IQGAP3: variants seen among roughly 807,000 people sequenced by gnomAD.
IQGAP3 encodes ras GTPase-activating-like protein IQGAP3.
A neutral mutation model predicts 208.2 loss-of-function variants in IQGAP3; 165 were observed. That is an observed-to-expected ratio of 0.79 (90% confidence interval 0.70 to 0.90). The LOEUF (loss-of-function observed/expected upper bound fraction) is 0.90. Ranked by LOEUF, IQGAP3 falls within the 40% of genes least tolerant of loss-of-function variation. IQGAP3 has a pLI of 0.00. For synonymous variants in IQGAP3, 703 were observed against 803.6 expected (o/e 0.87, Z 2.12); for missense variants, 1,811 against 2,043.1 (o/e 0.89, Z 2.19).
chr1:156,528,084 A>T, intron 36 of IQGAP3, 24 bp from the exon 37 acceptor site: 1 of 1,560,566 alleles, frequency 6.4e-7, no homozygotes, highest in East Asian at 2.2e-5. Flanking sequence ...GATTCAAAAC[A>T]GGAACCCACT....
At chr1:156,562,538 G>T in intron 9 of IQGAP3, 49 bp downstream of exon 9, 1 of 1,464,246 alleles carries the variant, frequency 6.8e-7, no homozygotes, top group South Asian at 1.1e-5. Context: ...CCAGTGCAGG[G>T]GCTTACCCTG....
rs1421238365 is a variant in IQGAP3 at position 156,535,228 on chromosome 1, C to T, written c.3442G>A (p.Ala1148Thr). 3 of 1,612,686 alleles carry T rather than the reference C, an allele frequency of 1.9e-6. No homozygotes were observed. The highest frequency in any genetic ancestry group is 1.7e-6 in the Non-Finnish European group (2 of 1,179,176). ...GCCAGAGTTGCCTTCAGGACTTTGG[C>T]CACATATCGCATCCCATACCTGGGG... ...DQIPYGMRYV[A>T]KVLKATLAEK... The change falls in exon 28 of 38, where the codon GCC (alanine) becomes ACC (threonine). Residue 1148 changes from alanine (A) to threonine (T), a missense_variant. Ala to Thr is a moderately conservative substitution (Grantham distance 58). Coordinates refer to ENST00000361170, the MANE Select transcript of IQGAP3 (RefSeq NM_178229.5).
chr1:156,542,142 C>T (rs1453559191), intron 22 of IQGAP3, among the ~76,000 whole-genome samples: 1 of 152,152 alleles, frequency 6.6e-6, no homozygotes, highest in African/African-American at 2.4e-5. Context: ...GACATGATCA[C>T]ATGTACAGGT....
chr1:156,554,255 C>T lies in IQGAP3; in HGVS notation c.1428G>A (p.Val476=), dbSNP rs754975940. The T allele has an allele frequency of 2.5e-6, 4 of 1,609,218 alleles. No individual in the cohort carries two copies. In the South Asian group the frequency reaches 3.3e-5, roughly 13 times the overall value. ...CTCACCGCTGGGCATTTTCTCCTTC[C>T]ACCTCAGCCAGGCCTGTGGCAGGGT... ...LVNPATGLAE[V]EGENAQRYFD... Residue 476 remains valine (V), a synonymous_variant, in exon 13 of 38, where the codon GTG becomes GTA. Transcript: ENST00000361170.
At chr1:156,556,830 A>C in intron 11 of IQGAP3, 137 bp from the exon 12 acceptor site, 1 of 795,612 alleles carries the variant, frequency 1.3e-6, no homozygotes, top group East Asian at 3.0e-5. Context: ...TGCTAGGTTT[A>C]AAATGCATTT....
chr1:156,554,149 C>G (rs1675703411), intron 13 of IQGAP3, 86 bp downstream of exon 13: 1 of 1,468,696 alleles, frequency 6.8e-7, no homozygotes, highest in Non-Finnish European at 9.2e-7. Flanking sequence ...ACATCGTACA[C>G]AAGGCAAGTC....
chr1:156,553,070 A>C (rs1675632088), intron 13 of IQGAP3, among the ~76,000 whole-genome samples: 1 of 151,544 alleles, frequency 6.6e-6, no homozygotes, highest in South Asian at 2.1e-4. Flanking sequence ...CAAGGCCCTG[A>C]GCTGTGATTG....
chr1:156,543,926 C>A, intron 22 of IQGAP3, 55 bp downstream of exon 22: 1 of 1,496,318 alleles, frequency 6.7e-7, no homozygotes. Flanking sequence ...ACCTGCCTGG[C>A]TCTGTGGGGT....
At chr1:156,527,113 G>A (rs183676287) in intron 37 of IQGAP3, among the ~76,000 whole-genome samples, 1 of 151,880 alleles carries the variant, frequency 6.6e-6, no homozygotes, top group East Asian at 2.0e-4. Context: ...TTACAGGCGT[G>A]AGCCACTGCA....
intron 11 of IQGAP3, among the ~76,000 whole-genome samples, chr1:156,557,631 C>A (rs1387560464): frequency 0.19 from 1,478 of 7,826 alleles, 3 homozygotes; most frequent in Non-Finnish European, 0.32. Context: ...AGCCCCCCGC[C>A]CGGCCAGCCG....
chr1:156,566,196 A>G (rs1221062227), intron 3 of IQGAP3, 92 bp from the exon 4 acceptor site: 1 of 1,315,390 alleles, frequency 7.6e-7, no homozygotes, highest in Non-Finnish European at 1.1e-6. Flanking sequence ...TTCAGGAGAG[A>G]TGGGCAGAGG....
At chr1:156,545,750 C>T (rs572627178) in intron 19 of IQGAP3, among the ~76,000 whole-genome samples, 7 of 152,266 alleles carry the variant, frequency 4.6e-5, no homozygotes, top group South Asian at 2.1e-4. Flanking sequence ...CCTCCCACCT[C>T]GGCCTCCCAA....
chr1:156,543,648 T>C (rs1275598526), intron 22 of IQGAP3, among the ~76,000 whole-genome samples: 3 of 152,212 alleles, frequency 2.0e-5, no homozygotes, highest in Non-Finnish European at 4.4e-5. Flanking sequence ...GCCTTGTTTG[T>C]GCTGGGCCAC....
chr1:156,570,708 C>T (rs1474665671), intron 1 of IQGAP3, among the ~76,000 whole-genome samples: 2 of 152,208 alleles, frequency 1.3e-5, no homozygotes, highest in African/African-American at 4.8e-5. Context: ...CTGGTTCTCA[C>T]CATGTTGCCC....
Position 156,539,965 on chromosome 1 carries a change from A to C in IQGAP3, c.2765T>G (p.Leu922Arg). ...CAGCTGTTCCTTATTCCTCTTGGTCAGCTTCTTGCAGTGGGAGACCACTTC... is the reference window on the plus strand; with the variant it reads ...CAGCTGTTCCTTATTCCTCTTGGTCCGCTTCTTGCAGTGGGAGACCACTTC... ...LQEVVSHCKK[L>R]TKRNKEQLSD... The change falls in exon 24 of 38, where the codon CTG (leucine) becomes CGG (arginine). Residue 922 changes from leucine to arginine, a missense_variant. Coordinates refer to ENST00000361170, the MANE Select transcript of IQGAP3 (RefSeq NM_178229.5). 1 of 1,614,116 alleles carries C rather than the reference A, an allele frequency of 6.2e-7. No homozygotes were observed. The highest frequency in any genetic ancestry group is 2.2e-5 in the East Asian group (1 of 44,886).
chr1:156,543,830 G>A (rs1459018724), intron 22 of IQGAP3, 151 bp downstream of exon 22: 5 of 702,844 alleles, frequency 7.1e-6, no homozygotes, highest in Non-Finnish European at 1.3e-5. Flanking sequence ...GGGGGCTTTT[G>A]TTACAACTCC....
intron 12 of IQGAP3, among the ~76,000 whole-genome samples, chr1:156,554,706 C>T (rs1675740693): frequency 1.3e-5 from 2 of 152,312 alleles, no homozygotes; most frequent in South Asian, 4.1e-4. Context: ...TGTCTGATTT[C>T]AAAGCCCACA....
chr1:156,540,578 C>A lies in IQGAP3; in HGVS notation c.2739+130G>T, dbSNP rs1571325311. ...TTAGAATGGCAGAGGGCCACTGGAA[C>A]AAGGACCTGAGTCAGGTGACAAAAT... On this transcript the variant is annotated intron_variant, in intron 23 of 37. Coordinates refer to ENST00000361170, the MANE Select transcript of IQGAP3 (RefSeq NM_178229.5). 7 of 739,184 alleles carry A rather than the reference C, an allele frequency of 9.5e-6. No individual in the cohort carries two copies. The South Asian group carries it at 1.1e-4, about 11-fold the overall frequency. The allele number at this position is 739,184 out of a possible 1,614,324, so 45.8% of individuals were successfully genotyped here.
In IQGAP3 at chr1:156,525,501, C is replaced by G. The variant is rs1005971086; in HGVS notation, c.*985G>C. Reference sequence around the variant, plus strand: ...CAGAGAGACTGTGGCAGAGGCAGGACTGCAGATCTATGGAAATTGCCTGGA... The same window carrying G: ...CAGAGAGACTGTGGCAGAGGCAGGAGTGCAGATCTATGGAAATTGCCTGGA... On this transcript the variant is annotated 3_prime_UTR_variant, in exon 38 of 38. Coordinates refer to ENST00000361170, the MANE Select transcript of IQGAP3 (RefSeq NM_178229.5). 2.0e-5 allele frequency: 3 copies of G among 152,506 alleles called. No individual in the cohort carries two copies. The highest frequency in any genetic ancestry group is 7.2e-5 in the African/African-American group (3 of 41,386). 9.4% of individuals were successfully genotyped at this position (152,506 alleles called of 1,614,324 possible).
Sources: allele counts gnomAD v4.1 joint callset (sites outside exome capture counted in the v4.1 genomes callset), GRCh38; gene constraint gnomAD v4.1.1; transcripts MANE v1.5; gene names NCBI Gene and HGNC (gene_info 2026-07-23, HGNC 2026-07-21).